Variants in PEX16 observed in about 807,000 individuals in gnomAD.
PEX16 encodes the protein peroxisomal biogenesis factor 16.
Under a neutral mutation model 50.5 loss-of-function variants are expected in PEX16, and 37 were observed. The observed-to-expected ratio is 0.73, with a 90% CI of 0.56 to 0.96. PEX16 has a LOEUF of 0.96. Ranked by LOEUF, PEX16 falls within the 40% of genes least tolerant of loss-of-function variation. The pLI is 0.00. For missense variants in PEX16, 401 were observed against 438.3 expected (o/e 0.91, Z 0.76); for synonymous variants, 185 against 190.3 (o/e 0.97, Z 0.23).
At position 45,910,245 on chromosome 11, in the gene PEX16, G is replaced by A. The variant is rs2086762122; in HGVS notation, c.*9C>T. On this transcript the variant is annotated 3_prime_UTR_variant, in exon 11 of 11. Transcript: ENST00000378750. Reference sequence around the variant, plus strand: ...CACCCCTCCCCACACCCTCCTTCCGGGAGGTCTGTCAGCCCCAACTGTAGA... The same window carrying A: ...CACCCCTCCCCACACCCTCCTTCCGAGAGGTCTGTCAGCCCCAACTGTAGA... The A allele has an allele frequency of 1.2e-6, 2 of 1,613,710 alleles. No individual in the cohort carries two copies. Among genetic ancestry groups the A allele is most frequent in the Admixed American group, 1.7e-5 (1 of 60,008 alleles).
At position 45,916,209 on chromosome 11, in the gene PEX16, T is replaced by C. The variant is rs369008253; in HGVS notation, c.225+18A>G. 5 of 1,597,952 alleles carry C rather than the reference T, an allele frequency of 3.1e-6. No homozygotes were observed. The South Asian group carries it at 3.3e-5, about 11-fold the overall frequency. On this transcript the variant is annotated intron_variant, in intron 3 of 10. Coordinates refer to ENST00000378750, the MANE Select transcript of PEX16 (RefSeq NM_004813.4). Reference sequence around the variant, plus strand: ...TGAGTCCCCATGCTTCCCACCCTGTTCTTGGCAGAATTCTCACCACAGGCA... The same window carrying C: ...TGAGTCCCCATGCTTCCCACCCTGTCCTTGGCAGAATTCTCACCACAGGCA...
At chr11:45,911,007 T>G (rs2134686957) in intron 9 of PEX16, 45 bp from the exon 10 acceptor site, 15 of 1,158,928 alleles carry the variant, frequency 1.3e-5, no homozygotes, top group Non-Finnish European at 1.8e-5. Flanking sequence ...GGGGTGGGGG[T>G]GGGTCCCTGC....
chr11:45,913,626 C>G (rs1237208106), intron 9 of PEX16, among the ~76,000 whole-genome samples, 193 bp downstream of exon 9: 1 of 152,266 alleles, frequency 6.6e-6, no homozygotes, highest in Non-Finnish European at 1.5e-5. Context: ...TAAGTTCCTG[C>G]TCAAGTGGCC....
chr11:45,911,066 G>A (rs950927661), intron 9 of PEX16, 104 bp from the exon 10 acceptor site: 5 of 806,232 alleles, frequency 6.2e-6, no homozygotes, highest in South Asian at 2.8e-5. Flanking sequence ...CGAATGCAGC[G>A]CATTCCAGAA....
chr11:45,913,844 A>T lies in PEX16; in HGVS notation c.862T>A (p.Ser288Thr). The change falls in exon 9 of 11, where the codon TCT (serine) becomes ACT (threonine). Residue 288 changes from serine (S) to threonine (T), a missense_variant. By Grantham distance (58) the Ser-to-Thr change is moderately conservative. Transcript: ENST00000378750. ...TILLLYYLLR[S>T]PFYDRFSEAR... ...TCGGAGAAGCGGTCATAGAAAGGAG[A>T]GCGCAGCAGGTAGTAGAGCAGCAGG... 4 of 1,613,854 alleles carry T rather than the reference A, an allele frequency of 2.5e-6. No individual in the cohort carries two copies. The highest frequency in any genetic ancestry group is 3.4e-6 in the Non-Finnish European group (4 of 1,179,966).
chr11:45,913,480 G>A lies in PEX16; in HGVS notation c.887+339C>T, dbSNP rs894645054. On this transcript the variant is annotated intron_variant, in intron 9 of 10. Coordinates refer to ENST00000378750, the MANE Select transcript of PEX16 (RefSeq NM_004813.4). ...CTCCAGGTCCTCCTCTGAGAAGTGA[G>A]GATAAGCCAAACTATTTGGCAGGAA... Among the ~76,000 whole-genome samples, 5 of 152,240 alleles carry A rather than the reference G, an allele frequency of 3.3e-5. 1 individual carries two copies. In the South Asian group the frequency reaches 6.2e-4, roughly 19 times the overall value.
At position 45,910,081 on chromosome 11, in the gene PEX16, G is replaced by A. The variant is rs188900244; in HGVS notation, c.*173C>T. 2.1e-4 allele frequency: 340 copies of A among 1,608,782 alleles called. No individual in the cohort carries two copies. In the African/African-American group the frequency reaches 3.8e-3, roughly 18 times the overall value. ...GGGCTGCAGTGGCATCGTCACAGGA[G>A]AGCGCAGTCAAGGGTGTCCTGGGAG... On this transcript the variant is annotated 3_prime_UTR_variant, in exon 11 of 11. Transcript: ENST00000378750.
intron 4 of PEX16, 41 bp downstream of exon 4, chr11:45,915,662 C>A (rs767199615): frequency 1.2e-6 from 2 of 1,612,742 alleles, no homozygotes; most frequent in African/African-American, 2.7e-5. Flanking sequence ...AGCTAGCCTG[C>A]GTCACCCCCA....
chr11:45,913,673 G>A, intron 9 of PEX16, 146 bp downstream of exon 9: 5 of 881,768 alleles, frequency 5.7e-6, no homozygotes, highest in Non-Finnish European at 9.1e-6. Flanking sequence ...GGACTGGGCT[G>A]GCATCTGGTG....
chr11:45,915,008 C>T (rs1432511969), intron 5 of PEX16, among the ~76,000 whole-genome samples: 1 of 152,256 alleles, frequency 6.6e-6, no homozygotes, highest in African/African-American at 2.4e-5. Context: ...ACCAGAGGGG[C>T]CGTCTCCTCT....
At chr11:45,910,791 C>T (rs778103430) in intron 10 of PEX16, 107 bp downstream of exon 10, 1 of 1,119,264 alleles carries the variant, frequency 8.9e-7, no homozygotes, top group South Asian at 1.2e-5. Flanking sequence ...GACTTCCTCT[C>T]CTGACTGTGC....
In PEX16 at chr11:45,917,815, G is replaced by A. The variant is rs1457840741; in HGVS notation, c.-4C>T. The A allele has an allele frequency of 2.0e-6, 3 of 1,534,722 alleles. No homozygotes were observed. The highest frequency in any genetic ancestry group is 2.0e-5 in the Admixed American group (1 of 51,016). On this transcript the variant is annotated 5_prime_UTR_variant, in exon 1 of 11. Transcript: ENST00000378750. ...CCAGGAGCCGCAGCTTCTCCATCCT[G>A]CCCTCGGCACCGACAGACCCACAGA... is the stretch of plus-strand genomic sequence containing the variant.
Position 45,913,940 on chromosome 11 carries a change from T to C in PEX16, c.768-2A>G. 1 of 1,612,282 alleles carries C rather than the reference T, an allele frequency of 6.2e-7. No homozygotes were observed. The highest frequency in any genetic ancestry group is 8.5e-7 in the Non-Finnish European group (1 of 1,179,946). ...TTTCTGTCACTCAGGAGGCTCAGGC[T>C]GGGAGGCAGGGAGGACATGGTCAGG... On this transcript the variant is annotated splice_acceptor_variant, in intron 8 of 10. Coordinates refer to ENST00000378750, the MANE Select transcript of PEX16 (RefSeq NM_004813.4). LOFTEE classifies it high-confidence loss of function.
rs1565080947 is a variant in PEX16 at position 45,914,341 on chromosome 11, C to G, written c.669G>C (p.Leu223Phe). The stretch of plus-strand genomic sequence containing the variant: ...AGTGCAGCAGCGGCCGGGCAATGTA[C>G]AAAAACTCTGCGATGGTCTCCTGCA... ...LGLQETIAEF[L>F]YIARPLLHLL... Residue 223 changes from leucine to phenylalanine, a missense_variant, in exon 7 of 11, where the codon TTG becomes TTC. Physicochemically the swap from Leu to Phe is conservative, Grantham distance 22. Transcript: ENST00000378750. 1 of 1,612,694 alleles carries G rather than the reference C, an allele frequency of 6.2e-7. No individual in the cohort carries two copies. The highest frequency in any genetic ancestry group is 1.1e-5 in the South Asian group (1 of 91,088).
intron 9 of PEX16, among the ~76,000 whole-genome samples, chr11:45,911,275 C>A (rs1021312512): frequency 1.3e-5 from 2 of 152,230 alleles, no homozygotes; most frequent in Non-Finnish European, 2.9e-5. Flanking sequence ...TGGAGCAGCG[C>A]CCTGGCAGTA....
upstream of PEX16, chr11:45,918,760 G>C (rs1042219056): frequency 6.6e-6 from 1 of 152,262 alleles, no homozygotes; most frequent in Non-Finnish European, 1.5e-5. Context: ...GACCCCTGGG[G>C]AGTATCTTCC....
At position 45,913,898 on chromosome 11, in the gene PEX16, C is replaced by G; in HGVS notation, c.808G>C (p.Glu270Gln). ...GTCCGGCGCCGCAGCTCCCGCCGCT[C>G]CCTCCGGGTCAGGCCCTTTCTGTCA... ...LSDRKGLTRR[E>Q]RRELRRRTIL... Residue 270 changes from glutamate (E) to glutamine (Q), a missense_variant, in exon 9 of 11, where the codon GAG becomes CAG. Coordinates refer to ENST00000378750, the MANE Select transcript of PEX16 (RefSeq NM_004813.4). 1 of 1,613,480 alleles carries G rather than the reference C, an allele frequency of 6.2e-7. No homozygotes were observed. The highest frequency in any genetic ancestry group is 8.5e-7 in the Non-Finnish European group (1 of 1,179,982).
intron 2 of PEX16, among the ~76,000 whole-genome samples, chr11:45,916,770 A>G (rs1232406744): frequency 1.3e-5 from 2 of 152,204 alleles, no homozygotes; most frequent in East Asian, 3.9e-4. Context: ...CCCAGGTTCA[A>G]GCAATTCTCC....
chr11:45,909,817 G>A lies in PEX16; in HGVS notation c.*437C>T. The stretch of plus-strand genomic sequence containing the variant: ...GCTGCCAGAGCCACAGGGCCCTGCG[G>A]AGAAGGGGCAGACGGAGGGCCCCAG... On this transcript the variant is annotated 3_prime_UTR_variant, in exon 11 of 11. Transcript: ENST00000378750. 1.9e-6 allele frequency: 1 copy of A among 534,780 alleles called. No individual in the cohort carries two copies. Among genetic ancestry groups the A allele is most frequent in the Non-Finnish European group, 3.4e-6 (1 of 294,724 alleles). The allele number at this position is 534,780 out of a possible 1,614,324, so 33.1% of individuals were successfully genotyped here. A position where few individuals can be genotyped will look rare whatever the true frequency, so the allele number is the denominator to read the frequency against.
Sources: gnomAD v4.1 joint callset for allele counts (sites outside exome capture counted in the v4.1 genomes callset) on GRCh38, gnomAD v4.1.1 for gene constraint, MANE v1.5 for transcripts, NCBI Gene and HGNC (gene_info 2026-07-23, HGNC 2026-07-21) for gene names.